FRMD4A: variants seen among roughly 807,000 people sequenced by gnomAD.
FRMD4A encodes FERM domain containing 4A, also known as FERM domain-containing protein 4A.
In FRMD4A, 29 loss-of-function variants were observed where a neutral mutation model predicts 129.1. The ratio of observed to expected loss-of-function variants is 0.22; its 90% CI spans 0.17 to 0.31. The LOEUF is 0.31. Ranked by LOEUF, FRMD4A falls within the 10% of genes least tolerant of loss-of-function variation. The probability of loss-of-function intolerance (pLI) is 1.00; values close to 1 mark genes in which losing one functional copy is unlikely to be tolerated. For synonymous variants in FRMD4A, 634 were observed against 571.6 expected (o/e 1.11, Z -1.56); for missense variants, 1,272 against 1,375.8 (o/e 0.92, Z 1.19).
At chr10:13,922,433 T>A (rs1279195659) in intron 2 of FRMD4A, among the ~76,000 whole-genome samples, 1 of 152,216 alleles carries the variant, frequency 6.6e-6, no homozygotes, top group African/African-American at 2.4e-5. Context: ...CTAACTCTTA[T>A]TTTATAAAAG....
At chr10:13,991,012 C>CCAGA (rs2095601348) in intron 2 of FRMD4A, among the ~76,000 whole-genome samples, 1 of 152,158 alleles carries the variant, frequency 6.6e-6, no homozygotes, top group Non-Finnish European at 1.5e-5. Context: ...GCATTCGGAG[C>CCAGA]CAGAATCCCT....
At chr10:14,153,256 C>T (rs967225979) in intron 2 of FRMD4A, among the ~76,000 whole-genome samples, 3 of 152,212 alleles carry the variant, frequency 2.0e-5, no homozygotes, top group African/African-American at 7.2e-5. Context: ...CATTCTTGCA[C>T]ACCCAGGTTT....
chr10:14,218,599 A>G (rs991899606), intron 2 of FRMD4A, among the ~76,000 whole-genome samples: 3 of 152,122 alleles, frequency 2.0e-5, no homozygotes, highest in Non-Finnish European at 4.4e-5. Flanking sequence ...CACGCCTGTA[A>G]TCCCGGTACT....
chr10:13,798,574 G>A lies in FRMD4A; in HGVS notation c.207-1986C>T, dbSNP rs779030432. Among the ~76,000 whole-genome samples the A allele has an allele frequency of 5.3e-5, 8 of 152,214 alleles. No individual in the cohort carries two copies. In the East Asian group the frequency reaches 5.8e-4, roughly 11 times the overall value. Reference sequence around the variant, plus strand: ...TACTAAAAAATACGAAAAATTAGCCGGGCATAGTGGCAGGCGCCTGTAGTC... The same window carrying A: ...TACTAAAAAATACGAAAAATTAGCCAGGCATAGTGGCAGGCGCCTGTAGTC... On this transcript the variant is annotated intron_variant, in intron 4 of 24. Transcript: ENST00000357447.
At chr10:13,836,512 G>A (rs2093875967) in intron 3 of FRMD4A, among the ~76,000 whole-genome samples, 1 of 152,162 alleles carries the variant, frequency 6.6e-6, no homozygotes, top group East Asian at 1.9e-4. Context: ...GAAATGCGAA[G>A]TGGCTTGTTT....
intron 2 of FRMD4A, among the ~76,000 whole-genome samples, chr10:13,902,236 C>T (rs932078865): frequency 2.6e-5 from 4 of 152,060 alleles, no homozygotes; most frequent in Non-Finnish European, 4.4e-5. Flanking sequence ...GTGGCCCAGG[C>T]TGGTCTTGAA....
intron 19 of FRMD4A, among the ~76,000 whole-genome samples, chr10:13,661,551 G>A (rs2082639659): frequency 6.6e-6 from 1 of 152,208 alleles, no homozygotes; most frequent in African/African-American, 2.4e-5. Context: ...GGAATTCCGA[G>A]TTGAGATTTT....
intron 2 of FRMD4A, among the ~76,000 whole-genome samples, chr10:13,931,877 A>G (rs71479853): frequency 0.41 from 62,187 of 151,210 alleles, 13,037 homozygotes; most frequent in Middle Eastern, 0.51. Context: ...TGAACCCGGG[A>G]GGTGGAGGTT....
intron 2 of FRMD4A, among the ~76,000 whole-genome samples, chr10:14,127,990 CTCTCTCTCT>C (rs1838982008): frequency 2.5e-5 from 3 of 121,754 alleles, no homozygotes; most frequent in Admixed American, 8.8e-5. Flanking sequence ...TTCTCTCTCT[CTCTCTCTCT>C]CTTTCTTTCT....
At chr10:14,310,444 G>T (rs1393697579) in intron 2 of FRMD4A, among the ~76,000 whole-genome samples, 1 of 152,218 alleles carries the variant, frequency 6.6e-6, no homozygotes, top group Non-Finnish European at 1.5e-5. Flanking sequence ...ACAAAGAGCA[G>T]CCTGAAAAAT....
intron 2 of FRMD4A, among the ~76,000 whole-genome samples, chr10:14,194,719 A>G (rs1395140433): frequency 6.6e-6 from 1 of 152,182 alleles, no homozygotes; most frequent in East Asian, 1.9e-4. Context: ...CTCTTATTTT[A>G]TGGTTCTCTC....
At chr10:13,850,780 A>T (rs1389037870) in intron 3 of FRMD4A, among the ~76,000 whole-genome samples, 2 of 152,206 alleles carry the variant, frequency 1.3e-5, no homozygotes, top group African/African-American at 4.8e-5. Flanking sequence ...CTATCAGAGG[A>T]CCTATGCTCG....
chr10:13,791,853 G>A (rs1265068679), intron 5 of FRMD4A, among the ~76,000 whole-genome samples: 1 of 152,168 alleles, frequency 6.6e-6, no homozygotes, highest in Non-Finnish European at 1.5e-5. Flanking sequence ...AGGTGCAAGT[G>A]GACCCTGAAG....
At chr10:14,190,044 C>T (rs973544418) in intron 2 of FRMD4A, among the ~76,000 whole-genome samples, 1 of 152,252 alleles carries the variant, frequency 6.6e-6, no homozygotes, top group Non-Finnish European at 1.5e-5. Context: ...CCCACACGTA[C>T]ACCACTTTCC....
chr10:14,095,381 A>G (rs1330130342), intron 2 of FRMD4A, among the ~76,000 whole-genome samples: 2 of 152,200 alleles, frequency 1.3e-5, no homozygotes, highest in Non-Finnish European at 2.9e-5. Context: ...GCCCCATTGC[A>G]AAAATGGCAC....
intron 2 of FRMD4A, among the ~76,000 whole-genome samples, chr10:14,072,132 T>C (rs1239688259): frequency 2.6e-5 from 4 of 152,226 alleles, no homozygotes; most frequent in African/African-American, 9.6e-5. Context: ...TTCTTTATGA[T>C]GAATGTTTAA....
At chr10:14,327,104 C>G (rs1311126675) in intron 2 of FRMD4A, 2 of 397,020 alleles carry the variant, frequency 5.0e-6, no homozygotes, top group Non-Finnish European at 8.9e-6. Flanking sequence ...CTGACCGCAA[C>G]CCAGCCCTAG....
chr10:14,043,755 G>T (rs974880333), intron 2 of FRMD4A, among the ~76,000 whole-genome samples: 2 of 152,188 alleles, frequency 1.3e-5, no homozygotes, highest in Non-Finnish European at 2.9e-5. Context: ...CAAACTAGCT[G>T]CAGCTTTCCA....
At position 13,651,923 on chromosome 10, in the gene FRMD4A, G is replaced by T. The variant is rs747447063; in HGVS notation, c.3102C>A (p.His1034Gln). Reference sequence around the variant, plus strand: ...GGTACCTCTATTCATCAGTACTTTGGTGAGGTGGAGACTCAGACCCATCCA... The same window carrying T: ...GGTACCTCTATTCATCAGTACTTTGTTGAGGTGGAGACTCAGACCCATCCA... ...PILDGSESPP[H>Q]QSTDE Residue 1034 changes from histidine to glutamine, a missense_variant, in exon 24 of 25, where the codon CAC becomes CAA. Coordinates refer to ENST00000357447, the MANE Select transcript of FRMD4A (RefSeq NM_018027.5). 2.5e-6 allele frequency: 4 copies of T among 1,585,320 alleles called. No homozygotes were observed. The South Asian group carries it at 4.4e-5, about 18-fold the overall frequency.
Sources: allele counts gnomAD v4.1 joint callset (sites outside exome capture counted in the v4.1 genomes callset), GRCh38; gene constraint gnomAD v4.1.1; transcripts MANE v1.5; gene names NCBI Gene and HGNC (gene_info 2026-07-23, HGNC 2026-07-21).